Variants in ATP9B observed in about 807,000 individuals in gnomAD.
ATP9B encodes probable phospholipid-transporting ATPase IIB.
In ATP9B, 110 loss-of-function variants were observed where a neutral mutation model predicts 146.1. That is an observed-to-expected ratio of 0.75 (90% CI 0.65 to 0.88). ATP9B has a LOEUF of 0.88. Ranked by LOEUF, ATP9B falls within the 40% of genes least tolerant of loss-of-function variation. The probability of loss-of-function intolerance (pLI) is 0.00; values close to 1 mark genes in which losing one functional copy is unlikely to be tolerated. For missense variants in ATP9B, 1,499 were observed against 1,496.4 expected (o/e 1.00, Z -0.03); for synonymous variants, 604 against 569.7 (o/e 1.06, Z -0.86).
intron 7 of ATP9B, among the ~76,000 whole-genome samples, chr18:79,170,891 T>C (rs2095060469): frequency 6.6e-6 from 1 of 152,242 alleles, no homozygotes; most frequent in Non-Finnish European, 1.5e-5. Flanking sequence ...ATAGTACTTA[T>C]TGCCTGAATC....
chr18:79,254,126 ATATTCT>A (rs986403980), intron 12 of ATP9B: 4 of 152,198 alleles, frequency 2.6e-5, no homozygotes, highest in African/African-American at 9.6e-5. Context: ...TTTAAGAAAG[ATATTCT>A]TAATATATAT....
At position 79,256,692 on chromosome 18, in the gene ATP9B, T is replaced by G. The variant is rs141021870; in HGVS notation, c.1268+3151T>G. ...ATCAATGCTAAGACCTTAAAATATT[T>G]TAAGTCAGCTCATCTTCCCTCTCCC... On this transcript the variant is annotated intron_variant, in intron 12 of 29. Coordinates refer to ENST00000426216, the MANE Select transcript of ATP9B (RefSeq NM_198531.5). Among the ~76,000 whole-genome samples, 704 of 152,238 alleles carry G rather than the reference T, an allele frequency of 4.6e-3. 5 individuals are homozygous for G. The highest frequency in any genetic ancestry group is 0.016 in the African/African-American group (683 of 41,524).
intron 3 of ATP9B, among the ~76,000 whole-genome samples, chr18:79,112,026 T>C (rs2076033926): frequency 6.6e-6 from 1 of 151,556 alleles, no homozygotes; most frequent in South Asian, 2.1e-4. Flanking sequence ...TATGAAATAA[T>C]TCAAAACATT....
Position 79,376,214 on chromosome 18 carries a change from C to CACACAAAAAAA in ATP9B, c.3307+789_3307+790insCACAAAAAAAA. On this transcript the variant is annotated intron_variant, in intron 29 of 29. Transcript: ENST00000426216. ...ACACACACACACACACACACACACA[C>CACACAAAAAAA]AAAACAAAACAAAAAAATGGCTAGC... 93 of 884,426 alleles carry CACACAAAAAAA rather than the reference C, an allele frequency of 1.1e-4. No homozygotes were observed. The African/African-American group carries it at 1.2e-3, about 11-fold the overall frequency. 54.8% of individuals were successfully genotyped at this position (884,426 alleles called of 1,614,324 possible).
intron 4 of ATP9B, among the ~76,000 whole-genome samples, chr18:79,121,456 C>T (rs1198532639): frequency 2.0e-5 from 3 of 152,320 alleles, no homozygotes; most frequent in African/African-American, 7.2e-5. Flanking sequence ...GATCCAAGTG[C>T]TCCTACAGTA....
intron 9 of ATP9B, among the ~76,000 whole-genome samples, chr18:79,202,988 G>T (rs2095502260): frequency 6.6e-6 from 1 of 152,210 alleles, no homozygotes; most frequent in Non-Finnish European, 1.5e-5. Flanking sequence ...AGTACTAAAA[G>T]ATTGACATGC....
chr18:79,311,052 T>G (rs9967248), intron 15 of ATP9B, among the ~76,000 whole-genome samples: 63,679 of 151,812 alleles, frequency 0.42, 13,536 homozygotes, highest in Middle Eastern at 0.55. Flanking sequence ...CTTGGAAGAC[T>G]GAGACAGGAG....
chr18:79,094,482 G>C (rs183276962), intron 1 of ATP9B, among the ~76,000 whole-genome samples: 36 of 152,284 alleles, frequency 2.4e-4, no homozygotes, highest in African/African-American at 7.7e-4. Context: ...TGTGAAAAGA[G>C]AGAACTACCA....
Position 79,374,060 on chromosome 18 carries a change from G to C in ATP9B, c.3233G>C (p.Gly1078Ala). 1 of 1,614,192 alleles carries C rather than the reference G, an allele frequency of 6.2e-7. No individual in the cohort carries two copies. The highest frequency in any genetic ancestry group is 8.5e-7 in the Non-Finnish European group (1 of 1,180,042). Residue 1078 changes from glycine to alanine, a missense_variant, in exon 28 of 30, where the codon GGC becomes GCC. By Grantham distance (60) the Gly-to-Ala change is moderately conservative. Transcript: ENST00000426216. ...LMVVAEFLSL[G>A]CYVSSLAFLN... is the part of the protein sequence containing the mutation. ...GTGGTGGCCGAGTTCCTCAGCTTAG[G>C]CTGCTACGTGTCCTCACTCGCTTTT...
chr18:79,168,170 G>T (rs1000719655), intron 7 of ATP9B, among the ~76,000 whole-genome samples: 5 of 152,174 alleles, frequency 3.3e-5, no homozygotes, highest in African/African-American at 1.2e-4. Flanking sequence ...AGTGGTTTAC[G>T]TGGAGCCAGG....
intron 2 of ATP9B, among the ~76,000 whole-genome samples, chr18:79,108,974 A>T (rs910159231): frequency 6.6e-6 from 1 of 152,324 alleles, no homozygotes; most frequent in South Asian, 2.1e-4. Flanking sequence ...CATTACGATT[A>T]TATAGTAAGG....
At chr18:79,196,679 A>G (rs947369517) in intron 9 of ATP9B, among the ~76,000 whole-genome samples, 1 of 152,234 alleles carries the variant, frequency 6.6e-6, no homozygotes, top group African/African-American at 2.4e-5. Flanking sequence ...CAGTTGATCA[A>G]TTCATATGGC....
intron 26 of ATP9B, among the ~76,000 whole-genome samples, chr18:79,368,762 C>T (rs755964504): frequency 1.2e-4 from 18 of 151,912 alleles, no homozygotes; most frequent in African/African-American, 1.5e-4. Flanking sequence ...CTGTCGGGAA[C>T]GTCACCTGCC....
intron 17 of ATP9B, 29 bp downstream of exon 17, chr18:79,330,133 A>G (rs766728539): frequency 2.5e-6 from 4 of 1,597,650 alleles, no homozygotes; most frequent in Admixed American, 1.7e-5. Context: ...CGTGGTTCAC[A>G]GTGTTTCTAT....
intron 15 of ATP9B, among the ~76,000 whole-genome samples, chr18:79,324,720 C>T (rs972079025): frequency 1.3e-5 from 2 of 152,100 alleles, no homozygotes; most frequent in African/African-American, 2.4e-5. Flanking sequence ...AATATGGAAA[C>T]GAGTTGTCTC....
chr18:79,368,993 CTGTT>C (rs1453448845), intron 26 of ATP9B, among the ~76,000 whole-genome samples: 1 of 151,926 alleles, frequency 6.6e-6, no homozygotes, highest in Non-Finnish European at 1.5e-5. Flanking sequence ...CCTTCCCTCT[CTGTT>C]TGGAGGGTTT....
chr18:79,080,398 G>T (rs1453974512), intron 1 of ATP9B, among the ~76,000 whole-genome samples: 5 of 151,808 alleles, frequency 3.3e-5, no homozygotes, highest in Non-Finnish European at 7.4e-5. Flanking sequence ...TATTCTCTTT[G>T]TAGCAGTTGT....
chr18:79,209,727 C>T (rs753872354), intron 10 of ATP9B: 253 of 959,554 alleles, frequency 2.6e-4, no homozygotes, highest in Non-Finnish European at 3.1e-4. Flanking sequence ...ATTAAGGTAC[C>T]TTTAATGTTA....
At chr18:79,240,926 G>A (rs1444180175) in intron 11 of ATP9B, among the ~76,000 whole-genome samples, 1 of 152,170 alleles carries the variant, frequency 6.6e-6, no homozygotes, top group Non-Finnish European at 1.5e-5. Flanking sequence ...GCCATGAGCT[G>A]TGTGTTCTTG....
Sources: gnomAD v4.1 joint callset for allele counts (sites outside exome capture counted in the v4.1 genomes callset) on GRCh38, gnomAD v4.1.1 for gene constraint, MANE v1.5 for transcripts, NCBI Gene and HGNC (gene_info 2026-07-23, HGNC 2026-07-21) for gene names.